OGDHL: variants seen among roughly 807,000 people sequenced by gnomAD.
The protein encoded by OGDHL is oxoglutarate dehydrogenase L.
In OGDHL, 79 loss-of-function variants were observed where a neutral mutation model predicts 109.6. The observed-to-expected ratio is 0.72, with a 90% CI of 0.60 to 0.87. The LOEUF (loss-of-function observed/expected upper bound fraction) is 0.87, where lower values mean the gene tolerates loss of function less well. OGDHL is among the 40% of genes least tolerant of loss of function. OGDHL has a pLI of 0.00. For synonymous variants in OGDHL, 528 were observed against 537.2 expected, an observed-to-expected ratio of 0.98 and a Z score of 0.24; for missense variants, 1,275 against 1,362.2, an observed-to-expected ratio of 0.94 and a Z score of 1.01.
intron 1 of OGDHL, 140 bp from the exon 2 acceptor site, chr10:49,758,733 A>G: frequency 1.2e-6 from 1 of 808,678 alleles, no homozygotes; most frequent in Non-Finnish European, 2.0e-6. Context: ...GAGACTGGGA[A>G]TGTGACACTC....
chr10:49,749,732 C>G lies in OGDHL; in HGVS notation c.981G>C (p.Ala327=). 6.3e-7 allele frequency: 1 copy of G among 1,589,038 alleles called. No homozygotes were observed. Among genetic ancestry groups the G allele is most frequent in the East Asian group, 2.3e-5 (1 of 44,012 alleles). ...ACCTGGGCATGGCACCCACCTCGTC[C>G]GCCGCCTCCAGCTTGGGGTCAAACT... ...FCQFDPKLEA[A]DEGSGDVKYH... is the part of the protein sequence containing the mutation. Residue 327 remains alanine (A), a synonymous_variant, in exon 8 of 23, where the codon GCG becomes GCC. Transcript: ENST00000374103.
chr10:49,761,739 G>A (rs990085595), intron 1 of OGDHL, among the ~76,000 whole-genome samples: 2 of 152,184 alleles, frequency 1.3e-5, no homozygotes, highest in African/African-American at 4.8e-5. Context: ...TGCAAGCAGC[G>A]ACCTCAGGCC....
chr10:49,757,262 G>A (rs1036249475), intron 2 of OGDHL, among the ~76,000 whole-genome samples: 7 of 152,282 alleles, frequency 4.6e-5, no homozygotes, highest in Middle Eastern at 3.4e-3. Flanking sequence ...GCCAAGATAC[G>A]TTTTAAAGTG....
At chr10:49,752,376 G>A in intron 4 of OGDHL, 128 bp from the exon 5 acceptor site, 1 of 759,470 alleles carries the variant, frequency 1.3e-6, no homozygotes. Flanking sequence ...GTCCAACCTG[G>A]GGAGCAGAAG....
chr10:49,746,241 G>A (rs1268139505), intron 10 of OGDHL, among the ~76,000 whole-genome samples: 1 of 152,180 alleles, frequency 6.6e-6, no homozygotes. Flanking sequence ...ACATAGGCCT[G>A]GAAAATCCAG....
chr10:49,754,866 C>T (rs911551941), intron 3 of OGDHL, among the ~76,000 whole-genome samples: 2 of 152,144 alleles, frequency 1.3e-5, no homozygotes, highest in Admixed American at 1.3e-4. Context: ...ACAGAGGGAA[C>T]CTGCAAAGTA....
chr10:49,745,360 G>T lies in OGDHL; in HGVS notation c.1613C>A (p.Thr538Asn), dbSNP rs145957744. The change falls in exon 12 of 23, where the codon ACC becomes AAC. Residue 538 changes from threonine to asparagine, a missense_variant. Thr to Asn is a moderately conservative substitution (Grantham distance 65). Coordinates refer to ENST00000374103, the MANE Select transcript of OGDHL (RefSeq NM_018245.3). ...CCTGCCCACCTCAAACTCCTGCAGG[G>T]TGACTGTGCCCTCGGCAATCAGCTT... Reference protein sequence around the residue: ...ADKLIAEGTVTLQEFEEEIAK... With the variant: ...ADKLIAEGTVNLQEFEEEIAK... 39 of 1,613,762 alleles carry T rather than the reference G, an allele frequency of 2.4e-5. No individual in the cohort carries two copies. The highest frequency in any genetic ancestry group is 4.0e-5 in the African/African-American group (3 of 74,942).
intron 15 of OGDHL, 58 bp downstream of exon 15, chr10:49,742,770 C>T: frequency 6.4e-7 from 1 of 1,562,672 alleles, no homozygotes; most frequent in Non-Finnish European, 8.7e-7. Context: ...GATCCCCAAG[C>T]CAGGCCCAGC....
chr10:49,758,683 T>C (rs758155391), intron 1 of OGDHL, 90 bp from the exon 2 acceptor site: 1 of 1,281,076 alleles, frequency 7.8e-7, no homozygotes, highest in South Asian at 1.3e-5. Flanking sequence ...TCAGCACTTG[T>C]CATTCCCACT....
intron 3 of OGDHL, among the ~76,000 whole-genome samples, chr10:49,752,988 G>C (rs1393450479): frequency 6.6e-6 from 1 of 152,248 alleles, no homozygotes; most frequent in Non-Finnish European, 1.5e-5. Flanking sequence ...TATGCACAAA[G>C]GTGTTCACTG....
intron 15 of OGDHL, among the ~76,000 whole-genome samples, chr10:49,741,707 AACACATACATACACACACACCAC>A: frequency 6.8e-6 from 1 of 146,644 alleles, no homozygotes; most frequent in South Asian, 2.2e-4. Flanking sequence ...CCACACACCA[AACACATACATACACACACACCAC>A]ACACATACAT....
intron 8 of OGDHL, 83 bp downstream of exon 8, chr10:49,749,643 A>G: frequency 2.5e-6 from 3 of 1,205,784 alleles, no homozygotes; most frequent in Non-Finnish European, 3.5e-6. Context: ...CTCAGCCCGG[A>G]AGCTCCCGGC....
intron 17 of OGDHL, chr10:49,739,320 A>G (rs1003339192): frequency 1.6e-4 from 37 of 228,414 alleles, no homozygotes; most frequent in African/African-American, 7.9e-4. Context: ...TGGGCAACCT[A>G]CTCCCCAGCT....
At chr10:49,752,069 C>T (rs896094370) in intron 5 of OGDHL, 64 bp downstream of exon 5, 3 of 1,609,534 alleles carry the variant, frequency 1.9e-6, no homozygotes, top group African/African-American at 2.7e-5. Flanking sequence ...ACAGTGCCTT[C>T]CCGTCCTCTG....
At chr10:49,749,182 C>G (rs1253798097) in intron 8 of OGDHL, among the ~76,000 whole-genome samples, 1 of 152,172 alleles carries the variant, frequency 6.6e-6, no homozygotes, top group African/African-American at 2.4e-5. Context: ...GCACTCCAGC[C>G]TGGGCAACAA....
rs774500240 is a variant in OGDHL at position 49,734,807 on chromosome 10, TG to T, written c.*420del. ...GTTCGCTTCACCTGGCTGTTACTGC[TG>T]AACTCCCTACTTCTAAGAGCACAGA... On this transcript the variant is annotated 3_prime_UTR_variant, in exon 23 of 23. Coordinates refer to ENST00000374103, the MANE Select transcript of OGDHL (RefSeq NM_018245.3). 3 of 154,936 alleles carry T rather than the reference TG, an allele frequency of 1.9e-5. No individual in the cohort carries two copies. The highest frequency in any genetic ancestry group is 4.3e-5 in the Non-Finnish European group (3 of 70,028). The allele number at this position is 154,936 out of a possible 1,614,324, so 9.6% of individuals were successfully genotyped here.
At chr10:49,750,752 T>G in intron 7 of OGDHL, 87 bp downstream of exon 7, 1 of 1,468,590 alleles carries the variant, frequency 6.8e-7, no homozygotes, top group Non-Finnish European at 9.1e-7. Context: ...CACCAACACC[T>G]CCGCTCTGAT....
intron 7 of OGDHL, among the ~76,000 whole-genome samples, chr10:49,750,203 G>A (rs1283407265): frequency 2.4e-4 from 37 of 152,138 alleles, no homozygotes; most frequent in Admixed American, 6.5e-5. Context: ...CTCTGGTCAC[G>A]GGAAAAGCCC....
chr10:49,745,878 C>T lies in OGDHL; in HGVS notation c.1396G>A (p.Asp466Asn). 1 of 1,614,236 alleles carries T rather than the reference C, an allele frequency of 6.2e-7. No homozygotes were observed. Among genetic ancestry groups the T allele is most frequent in the Non-Finnish European group, 8.5e-7 (1 of 1,180,044 alleles). ...NAPIFHVNAD[D>N]PEAVIYVCSV... ...CACACATATATCACAGCCTCTGGGT[C>T]ATCGGCATTCACATGGAAGATAGGC... is the stretch of plus-strand genomic sequence containing the variant. Residue 466 changes from aspartate to asparagine, a missense_variant, in exon 11 of 23, where the codon GAC becomes AAC. Coordinates refer to ENST00000374103, the MANE Select transcript of OGDHL (RefSeq NM_018245.3).
Sources: allele counts gnomAD v4.1 joint callset (sites outside exome capture counted in the v4.1 genomes callset), GRCh38; gene constraint gnomAD v4.1.1; transcripts MANE v1.5; gene names NCBI Gene and HGNC (gene_info 2026-07-23, HGNC 2026-07-21).